GPRASP1: variants seen among roughly 807,000 people sequenced by gnomAD.
GPRASP1 encodes G protein-coupled receptor-associated sorting protein 1.
In GPRASP1, 28 loss-of-function variants were observed where a neutral mutation model predicts 68.4. The ratio of observed to expected loss-of-function variants is 0.41; its 90% CI spans 0.30 to 0.56. The LOEUF (loss-of-function observed/expected upper bound fraction) is 0.56. Among genes scored for constraint, GPRASP1 ranks in the 20% least tolerant of loss-of-function variants. GPRASP1 has a pLI of 0.29. For synonymous variants in GPRASP1, 304 were observed against 358.2 expected (o/e 0.85, Z 1.71); for missense variants, 913 against 1,031.5 (o/e 0.89, Z 1.57).
rs201921260 is a variant in GPRASP1 at position 102,654,488 on chromosome X, T to C, written c.575T>C (p.Phe192Ser). ...CAAGAAGCCTCTCCTAATTCTGATT[T>C]CAAATGGGTAGACAAATCTGTGAGT... is the stretch of plus-strand genomic sequence containing the variant. ...SKQEASPNSDFKWVDKSVSSL... is the reference protein window; with the variant it reads ...SKQEASPNSDSKWVDKSVSSL... The change falls in exon 6 of 6, where the codon TTC (phenylalanine) becomes TCC (serine). Residue 192 changes from phenylalanine to serine, a missense_variant. Transcript: ENST00000537097. 2.1e-4 allele frequency: 253 copies of C among 1,209,300 alleles called. No individual in the cohort carries two copies. The East Asian group carries it at 5.5e-3, about 26-fold the overall frequency.
At position 102,655,754 on chromosome X, in the gene GPRASP1, G is replaced by A. The variant is rs764647557; in HGVS notation, c.1841G>A (p.Gly614Glu). ...QGAEEEEPII[G>E]SWFWTRVEAC... is the part of the protein sequence containing the mutation. ...GCTGAGGAGGAGGAGCCCATTATTGGGTCCTGGTTTTGGACCAGAGTAGAA... is the reference window on the plus strand; with the variant it reads ...GCTGAGGAGGAGGAGCCCATTATTGAGTCCTGGTTTTGGACCAGAGTAGAA... The change falls in exon 6 of 6, where the codon GGG becomes GAG. Residue 614 changes from glycine (G) to glutamate (E), a missense_variant. By Grantham distance (98) the Gly-to-Glu change is moderately conservative. Transcript: ENST00000537097. The A allele has an allele frequency of 1.2e-5, 14 of 1,209,358 alleles. No homozygotes were observed. Among genetic ancestry groups the A allele is most frequent in the Non-Finnish European group, 1.6e-5 (14 of 895,034 alleles).
Position 102,657,510 on chromosome X carries a change from A to C in GPRASP1, c.3597A>C (p.Ser1199=), listed in dbSNP as rs752988807. The C allele has an allele frequency of 1.2e-5, 15 of 1,211,967 alleles. No homozygotes were observed. In the East Asian group the frequency reaches 3.0e-4, roughly 24 times the overall value. Residue 1199 remains serine, a synonymous_variant, in exon 6 of 6, where the codon TCA becomes TCC. Coordinates refer to ENST00000537097, the MANE Select transcript of GPRASP1 (RefSeq NM_001184727.2). ...RDFIRDSGVV[S]LIETLLNYPS... is the part of the protein sequence containing the mutation. Reference sequence around the variant, plus strand: ...TCATTCGAGATTCAGGTGTTGTCTCACTTATTGAAACCTTGCTTAATTATC... The same window carrying C: ...TCATTCGAGATTCAGGTGTTGTCTCCCTTATTGAAACCTTGCTTAATTATC...
At position 102,656,102 on chromosome X, in the gene GPRASP1, G is replaced by A. The variant is rs192537240; in HGVS notation, c.2189G>A (p.Ser730Asn). Residue 730 changes from serine to asparagine, a missense_variant, in exon 6 of 6, where the codon AGT becomes AAT. Physicochemically the swap from Ser to Asn is conservative, Grantham distance 46 (BLOSUM62 1). Transcript: ENST00000537097. ...IGSWLWATEE[S>N]NIDGTGEKAK... ...TCCTGGTTATGGGCTACAGAAGAGA[G>A]TAATATAGATGGGACTGGAGAAAAG... is the stretch of plus-strand genomic sequence containing the variant. 162 of 1,209,197 alleles carry A rather than the reference G, an allele frequency of 1.3e-4. No individual in the cohort carries two copies. In the East Asian group the frequency reaches 4.7e-3, roughly 35 times the overall value.
Position 102,658,636 on chromosome X carries a change from G to A in GPRASP1, c.*535G>A, listed in dbSNP as rs1214962264. On this transcript the variant is annotated 3_prime_UTR_variant, in exon 6 of 6. Transcript: ENST00000537097. Reference sequence around the variant, plus strand: ...CAGAGAAAAAGTAGCTACTTCGGTTGGACTCTGAAGTTTGGGAAAGATATT... The same window carrying A: ...CAGAGAAAAAGTAGCTACTTCGGTTAGACTCTGAAGTTTGGGAAAGATATT... 1.7e-5 allele frequency: 2 copies of A among 117,848 alleles called. No homozygotes were observed. Among genetic ancestry groups the A allele is most frequent in the Non-Finnish European group, 3.8e-5 (2 of 52,195 alleles). 9.7% of individuals were successfully genotyped at this position (117,848 alleles called of 1,213,427 possible).
chrX:102,654,728 G>T lies in GPRASP1; in HGVS notation c.815G>T (p.Trp272Leu). ...WFWARDKTNT[W>L]SGPREDPNSR... ...TGGGCCAGAGATAAAACCAATACCT[G>T]GTCTGGGCCCAGGGAAGATCCCAAT... is the stretch of plus-strand genomic sequence containing the variant. Residue 272 changes from tryptophan to leucine, a missense_variant, in exon 6 of 6, where the codon TGG (tryptophan) becomes TTG (leucine). Coordinates refer to ENST00000537097, the MANE Select transcript of GPRASP1 (RefSeq NM_001184727.2). 8.3e-7 allele frequency: 1 copy of T among 1,209,531 alleles called. No homozygotes were observed. Among genetic ancestry groups the T allele is most frequent in the Non-Finnish European group, 1.1e-6 (1 of 893,645 alleles).
Sources: gnomAD v4.1 joint callset for allele counts on GRCh38, gnomAD v4.1.1 for gene constraint, MANE v1.5 for transcripts, NCBI Gene and HGNC (gene_info 2026-07-23, HGNC 2026-07-21) for gene names.